The following LZTR1 variants were observed in gnomAD, a reference collection of about 807,000 sequenced individuals.
LZTR1 encodes leucine-zipper-like transcriptional regulator 1.
Under a neutral mutation model 105.7 loss-of-function variants are expected in LZTR1, and 260 were observed. The observed-to-expected ratio is 2.46, with a 90% CI of 2.22 to 2.72. The LOEUF (loss-of-function observed/expected upper bound fraction) is 2.72, where lower values mean the gene tolerates loss of function less well. LZTR1 is among the 30% of genes most tolerant of loss of function. LZTR1 has a pLI of 0.00. For synonymous variants in LZTR1, 490 were observed against 476.4 expected, an observed-to-expected ratio of 1.03 and a Z score of -0.37; for missense variants, 1,214 against 1,166.9, an observed-to-expected ratio of 1.04 and a Z score of -0.59.
chr22:20,993,855 G>T, intron 12 of LZTR1, 69 bp from the exon 13 acceptor site: 1 of 1,571,892 alleles, frequency 6.4e-7, no homozygotes. Flanking sequence ...GCTGACCTTG[G>T]CTGGCTGGGT....
chr22:20,995,184 T>G, intron 16 of LZTR1, 158 bp downstream of exon 16: 1 of 820,702 alleles, frequency 1.2e-6, no homozygotes, highest in Admixed American at 2.3e-5. Context: ...AGGAAACAGA[T>G]GAAGGCAGAA....
At position 20,994,625 on chromosome 22, in the gene LZTR1, C is replaced by T. The variant is rs4822790; in HGVS notation, c.1683C>T (p.Arg561=). Residue 561 remains arginine, a synonymous_variant, in exon 15 of 21, where the codon CGC becomes CGT. Transcript: ENST00000646124. ...TGGCACTGAGCTTCCAGTTGTGCCGCCTGGAGCAGCTGTGCCGCCAGTACA... is the reference window on the plus strand; with the variant it reads ...TGGCACTGAGCTTCCAGTTGTGCCGTCTGGAGCAGCTGTGCCGCCAGTACA... The part of the protein sequence containing the change: ...YKLALSFQLC[R]LEQLCRQYIE... 205,595 of 1,612,526 alleles carry T rather than the reference C, an allele frequency of 0.13. 13,972 individuals carry two copies. The highest frequency in any genetic ancestry group is 0.23 in the East Asian group (10,383 of 44,868).
chr22:20,992,910 G>C lies in LZTR1; in HGVS notation c.1260+6G>C. ...GGGAGATGTACAGGTTCCAGGTGTG[G>C]GGCCTGTGGGCCTGTAGAGCCGGCT... On this transcript the variant is annotated splice_donor_region_variant and intron_variant, in intron 11 of 20. Transcript: ENST00000646124. 6.4e-7 allele frequency: 1 copy of C among 1,556,690 alleles called. No individual in the cohort carries two copies. The highest frequency in any genetic ancestry group is 8.8e-7 in the Non-Finnish European group (1 of 1,139,926).
chr22:20,994,413 C>T (rs1924737091), intron 14 of LZTR1, 144 bp downstream of exon 14: 6 of 1,256,596 alleles, frequency 4.8e-6, no homozygotes, highest in Non-Finnish European at 5.5e-6. Context: ...CCCATGATCA[C>T]TGCAGCTGGA....
chr22:20,994,140 G>T lies in LZTR1; in HGVS notation c.1486G>T (p.Ala496Ser), dbSNP rs745425828. The T allele has an allele frequency of 2.4e-5, 38 of 1,589,440 alleles. No individual in the cohort carries two copies. Among genetic ancestry groups the T allele is most frequent in the Non-Finnish European group, 3.2e-5 (37 of 1,166,990 alleles). The change falls in exon 14 of 21, where the codon GCC (alanine) becomes TCC (serine). Residue 496 changes from alanine to serine, a missense_variant. Physicochemically the swap from Ala to Ser is moderately conservative, Grantham distance 99. Coordinates refer to ENST00000646124, the MANE Select transcript of LZTR1 (RefSeq NM_006767.4). ...GGAGGCCGCCCCAGTTCCCAGGGAG[G>T]CCCCCGGCGTGGCTGCTGGTGGGGC... ...EQEAAPVPREAPGVAAGGARP... is the reference protein window; with the variant it reads ...EQEAAPVPRESPGVAAGGARP...
In LZTR1 at chr22:20,994,159, G is replaced by C; in HGVS notation, c.1505G>C (p.Gly502Ala). 1 of 1,596,896 alleles carries C rather than the reference G, an allele frequency of 6.3e-7. No homozygotes were observed. The highest frequency in any genetic ancestry group is 8.5e-7 in the Non-Finnish European group (1 of 1,173,080). The change falls in exon 14 of 21, where the codon GGT (glycine) becomes GCT (alanine). Residue 502 changes from glycine to alanine, a missense_variant. By Grantham distance (60) the Gly-to-Ala change is moderately conservative (BLOSUM62 0). Transcript: ENST00000646124. Reference protein sequence around the residue: ...VPREAPGVAAGGARPPLLHVA... With the variant: ...VPREAPGVAAAGARPPLLHVA... ...AGGGAGGCCCCCGGCGTGGCTGCTGGTGGGGCCCGGCCGCCCCTGCTGCAC... is the reference window on the plus strand; with the variant it reads ...AGGGAGGCCCCCGGCGTGGCTGCTGCTGGGGCCCGGCCGCCCCTGCTGCAC...
At chr22:20,986,502 T>C (rs1924391930) in intron 3 of LZTR1, 1 of 152,264 alleles carries the variant, frequency 6.6e-6, no homozygotes, top group Admixed American at 6.5e-5. Context: ...GACAGATAGA[T>C]AGATAGTGGA....
At chr22:20,995,075 A>C (rs769043177) in intron 16 of LZTR1, 49 bp downstream of exon 16, 6 of 1,565,790 alleles carry the variant, frequency 3.8e-6, no homozygotes, top group Non-Finnish European at 5.2e-6. Flanking sequence ...GATGGTGTTC[A>C]TCTGCGGTAG....
At position 20,991,845 on chromosome 22, in the gene LZTR1, G is replaced by A. The variant is rs1924620707; in HGVS notation, c.993+16G>A. 2 of 1,543,866 alleles carry A rather than the reference G, an allele frequency of 1.3e-6. No homozygotes were observed. The highest frequency in any genetic ancestry group is 4.9e-5 in the East Asian group (2 of 40,798). On this transcript the variant is annotated intron_variant, in intron 9 of 20. Transcript: ENST00000646124. ...CGACAGCGAGGTGAGGGTGCCCAGG[G>A]GTGTCCTGACCTGCCAGCTGGACAC...
chr22:20,997,342 C>G lies in LZTR1; in HGVS notation c.2517C>G (p.Asp839Glu). The G allele has an allele frequency of 6.2e-7, 1 of 1,610,096 alleles. No homozygotes were observed. Among genetic ancestry groups the G allele is most frequent in the African/African-American group, 1.3e-5 (1 of 75,018 alleles). ...AGCAGTGCGCAGAGCTGGGCGCCGA[C>G]ATCTGAGGCCCTGTGGCGCCTGCCC... ...SDKQCAELGA[D>E]I Residue 839 changes from aspartate to glutamate, a missense_variant, in exon 21 of 21, where the codon GAC (aspartate) becomes GAG (glutamate). By Grantham distance (45) the Asp-to-Glu change is conservative. Transcript: ENST00000646124.
Position 20,982,403 on chromosome 22 carries a change from T to C in LZTR1, c.32T>C (p.Ile11Thr). 1 of 1,563,944 alleles carries C rather than the reference T, an allele frequency of 6.4e-7. No homozygotes were observed. The highest frequency in any genetic ancestry group is 8.7e-7 in the Non-Finnish European group (1 of 1,153,702). The stretch of plus-strand genomic sequence containing the variant: ...GGACCGGGCAGCACGGGGGGGCAGA[T>C]CGGGGCTGCGGCCCTGGCAGGCGGC... MAGPGSTGGQ[I>T]GAAALAGGAR... The change falls in exon 1 of 21, where the codon ATC becomes ACC. Residue 11 changes from isoleucine to threonine, a missense_variant. By Grantham distance (89) the Ile-to-Thr change is moderately conservative. Transcript: ENST00000646124.
At position 20,996,066 on chromosome 22, in the gene LZTR1, C is replaced by T. The variant is rs778626874; in HGVS notation, c.2173C>T (p.Arg725Cys). The T allele has an allele frequency of 1.1e-5, 18 of 1,613,388 alleles. No homozygotes were observed. The East Asian group carries it at 1.6e-4, about 14-fold the overall frequency. ...PSRQAFESML[R>C]YIYYGEVNMP... Reference sequence around the variant, plus strand: ...CAGGCAGGCCTTCGAGTCCATGCTGCGCTACATCTACTACGGCGAGGTCAA... The same window carrying T: ...CAGGCAGGCCTTCGAGTCCATGCTGTGCTACATCTACTACGGCGAGGTCAA... Residue 725 changes from arginine to cysteine, a missense_variant, in exon 18 of 21, where the codon CGC becomes TGC. Arg to Cys is a radical substitution (Grantham distance 180). Transcript: ENST00000646124.
rs555586109 is a variant in LZTR1 at position 20,996,929 on chromosome 22, G to A, written c.2369G>A (p.Arg790Gln). Reference protein sequence around the residue: ...ADKTQALDMKRHCLHIIVHQF... With the variant: ...ADKTQALDMKQHCLHIIVHQF... ...AAAACGCAGGCACTGGACATGAAGCGGCACTGCCTGCACATCATTGTGCAC... is the reference window on the plus strand; with the variant it reads ...AAAACGCAGGCACTGGACATGAAGCAGCACTGCCTGCACATCATTGTGCAC... Residue 790 changes from arginine to glutamine, a missense_variant, in exon 20 of 21, where the codon CGG becomes CAG. Coordinates refer to ENST00000646124, the MANE Select transcript of LZTR1 (RefSeq NM_006767.4). 3 of 1,613,478 alleles carry A rather than the reference G, an allele frequency of 1.9e-6. No homozygotes were observed. Among genetic ancestry groups the A allele is most frequent in the Non-Finnish European group, 2.5e-6 (3 of 1,179,832 alleles).
At chr22:20,992,733 A>G (rs952812781) in intron 10 of LZTR1, 61 bp from the exon 11 acceptor site, 3 of 1,134,012 alleles carry the variant, frequency 2.6e-6, no homozygotes, top group Non-Finnish European at 2.6e-6. Flanking sequence ...ACCTGGCTGC[A>G]CCAGCCGCAC....
chr22:20,989,825 C>T (rs759161476), intron 7 of LZTR1, 143 bp downstream of exon 7: 134 of 884,784 alleles, frequency 1.5e-4, no homozygotes, highest in South Asian at 3.8e-4. Context: ...GGCTGGGGGT[C>T]GAGGCTGCTT....
rs749506086 is a variant in LZTR1, at chr22:20,993,701, G to T, written c.1300G>T (p.Gly434Trp). The T allele has an allele frequency of 1.2e-6, 2 of 1,613,476 alleles. No homozygotes were observed. Among genetic ancestry groups the T allele is most frequent in the Admixed American group, 1.7e-5 (1 of 60,014 alleles). Reference sequence around the variant, plus strand: ...TAAATGCACGCTGCACGAGGACTACGGGCGGCTGTGGGAGAGCCGCCAGTT... The same window carrying T: ...TAAATGCACGCTGCACGAGGACTACTGGCGGCTGTGGGAGAGCCGCCAGTT... ...YPKCTLHEDY[G>W]RLWESRQFCD... is the part of the protein sequence containing the mutation. Residue 434 changes from glycine to tryptophan, a missense_variant, in exon 12 of 21, where the codon GGG becomes TGG. Transcript: ENST00000646124.
Position 20,982,518 on chromosome 22 carries a change from A to G in LZTR1, c.147A>G (p.Glu49=). The change falls in exon 1 of 21, where the codon GAA becomes GAG. Residue 49 remains glutamate (E), a synonymous_variant. Coordinates refer to ENST00000646124, the MANE Select transcript of LZTR1 (RefSeq NM_006767.4). The part of the protein sequence containing the change: ...EYLTLNFGPF[E]TVHRWRRLPP... ...TGACGCTCAACTTCGGGCCCTTCGAAACAGTGCATCGCTGGCGGCGCCTCC... is the reference window on the plus strand; with the variant it reads ...TGACGCTCAACTTCGGGCCCTTCGAGACAGTGCATCGCTGGCGGCGCCTCC... The G allele has an allele frequency of 6.2e-7, 1 of 1,613,234 alleles. No individual in the cohort carries two copies. The highest frequency in any genetic ancestry group is 1.1e-5 in the South Asian group (1 of 90,880).
At chr22:20,997,060 G>A in intron 20 of LZTR1, 94 bp downstream of exon 20, 1 of 1,350,008 alleles carries the variant, frequency 7.4e-7, no homozygotes. Flanking sequence ...GTCCCCTGCA[G>A]TGGTGGGCCC....
intron 18 of LZTR1, chr22:20,996,402 G>A (rs913477624): frequency 8.4e-6 from 5 of 592,916 alleles, no homozygotes; most frequent in Non-Finnish European, 1.5e-5. Context: ...AGACATGGAG[G>A]TACTCCTTAT....
Sources: allele counts gnomAD v4.1 joint callset, GRCh38; gene constraint gnomAD v4.1.1; transcripts MANE v1.5; gene names NCBI Gene and HGNC (gene_info 2026-07-23, HGNC 2026-07-21).